SDK1: variants seen among roughly 807,000 people sequenced by gnomAD.
SDK1 encodes sidekick cell adhesion molecule 1.
A neutral mutation model predicts 245.5 loss-of-function variants in SDK1; 157 were observed. The observed-to-expected ratio is 0.64, with a 90% CI of 0.56 to 0.73. SDK1 has a LOEUF of 0.73. Among genes scored for constraint, SDK1 ranks in the 30% least tolerant of loss-of-function variants. SDK1 has a pLI of 0.00. For missense variants in SDK1, 3,583 were observed against 3,002.3 expected, an observed-to-expected ratio of 1.19 and a Z score of -4.52; for synonymous variants, 1,647 against 1,278.5, an observed-to-expected ratio of 1.29 and a Z score of -6.15.
chr7:3,307,822 A>G (rs948571080), intron 1 of SDK1, among the ~76,000 whole-genome samples: 2 of 151,766 alleles, frequency 1.3e-5, no homozygotes, highest in Admixed American at 6.6e-5. Context: ...TTTCTCACCT[A>G]TAAAAGGAGG....
chr7:3,741,337 G>A (rs1488334295), intron 4 of SDK1, among the ~76,000 whole-genome samples: 1 of 152,166 alleles, frequency 6.6e-6, no homozygotes, highest in South Asian at 2.1e-4. Flanking sequence ...CCAGCCCCCT[G>A]TTCTCCCAGC....
chr7:3,776,177 C>T (rs1421010381), intron 4 of SDK1, among the ~76,000 whole-genome samples: 3 of 152,160 alleles, frequency 2.0e-5, no homozygotes, highest in South Asian at 4.1e-4. Flanking sequence ...AGTTAATGAA[C>T]GAATGAGTAG....
intron 1 of SDK1, among the ~76,000 whole-genome samples, chr7:3,343,360 C>T (rs1780405127): frequency 6.6e-6 from 1 of 152,138 alleles, no homozygotes; most frequent in Non-Finnish European, 1.5e-5. Context: ...ATTGATGCAC[C>T]TACTGTGAAT....
At chr7:3,606,105 C>T (rs148733639) in intron 1 of SDK1, among the ~76,000 whole-genome samples, 1 of 152,206 alleles carries the variant, frequency 6.6e-6, no homozygotes, top group African/African-American at 2.4e-5. Context: ...AAGTTCAACA[C>T]TGAGCTCTTG....
intron 43 of SDK1, among the ~76,000 whole-genome samples, chr7:4,243,665 C>T (rs1034090156): frequency 6.6e-6 from 1 of 152,210 alleles, no homozygotes. Context: ...ACGGGAAAGA[C>T]CTGCCCCCAT....
At chr7:3,678,766 A>G (rs73300262) in intron 4 of SDK1, among the ~76,000 whole-genome samples, 5,057 of 152,330 alleles carry the variant, frequency 0.033, 289 homozygotes, top group African/African-American at 0.11. Flanking sequence ...CTTTAAAATC[A>G]TTAAAATGAT....
At chr7:4,240,947 G>C (rs1426920410) in intron 42 of SDK1, among the ~76,000 whole-genome samples, 1 of 152,212 alleles carries the variant, frequency 6.6e-6, no homozygotes, top group Non-Finnish European at 1.5e-5. Flanking sequence ...AGGGTGGACA[G>C]ACCAGGCCAA....
chr7:3,303,943 C>G (rs1229410848), intron 1 of SDK1, among the ~76,000 whole-genome samples: 1 of 152,104 alleles, frequency 6.6e-6, no homozygotes, highest in Non-Finnish European at 1.5e-5. Flanking sequence ...GGAATAGTTA[C>G]CACTACGTTG....
chr7:3,501,446 T>C (rs1782212174), intron 1 of SDK1, among the ~76,000 whole-genome samples: 1 of 152,102 alleles, frequency 6.6e-6, no homozygotes, highest in African/African-American at 2.4e-5. Context: ...GCCTAAGGGA[T>C]TGGCCTGTGC....
intron 28 of SDK1, among the ~76,000 whole-genome samples, chr7:4,139,573 G>GTATA (rs1289009779): frequency 8.3e-5 from 2 of 24,214 alleles, no homozygotes; most frequent in African/African-American, 2.0e-4. Context: ...GTGTGTATAT[G>GTATA]TGTGTGTGTA....
intron 1 of SDK1, among the ~76,000 whole-genome samples, chr7:3,506,017 A>G (rs1562527994): frequency 6.6e-6 from 1 of 152,096 alleles, no homozygotes; most frequent in African/African-American, 2.4e-5. Context: ...TTTCTCTTAA[A>G]TTTAAAAATA....
intron 4 of SDK1, among the ~76,000 whole-genome samples, chr7:3,692,536 T>G (rs1443035283): frequency 6.6e-6 from 1 of 152,198 alleles, no homozygotes; most frequent in Non-Finnish European, 1.5e-5. Context: ...GTAGCATAAA[T>G]TATTTGTTTA....
At chr7:3,663,109 T>G (rs1313612079) in intron 4 of SDK1, among the ~76,000 whole-genome samples, 3 of 152,216 alleles carry the variant, frequency 2.0e-5, no homozygotes, top group Non-Finnish European at 4.4e-5. Context: ...TTATTTTGTT[T>G]CCATATTTGA....
chr7:3,533,846 C>G (rs1778783689), intron 1 of SDK1, among the ~76,000 whole-genome samples: 1 of 150,778 alleles, frequency 6.6e-6, no homozygotes, highest in Admixed American at 6.6e-5. Context: ...AATATATTTC[C>G]TTTTGCTTTC....
chr7:3,475,304 C>A (rs1034835817), intron 1 of SDK1, among the ~76,000 whole-genome samples: 17 of 152,282 alleles, frequency 1.1e-4, no homozygotes, highest in African/African-American at 4.1e-4. Context: ...GCTTCTTGCT[C>A]TCTGGAGCCC....
At chr7:3,900,041 C>CT (rs1292363605) in intron 5 of SDK1, among the ~76,000 whole-genome samples, 1 of 152,216 alleles carries the variant, frequency 6.6e-6, no homozygotes, top group Non-Finnish European at 1.5e-5. Flanking sequence ...GTGTATGACA[C>CT]TAACATTTAA....
intron 22 of SDK1, among the ~76,000 whole-genome samples, chr7:4,090,121 A>C (rs969158418): frequency 6.6e-6 from 1 of 152,296 alleles, no homozygotes; most frequent in Non-Finnish European, 1.5e-5. Context: ...TGGCCTTGGC[A>C]TGTCCCGTTG....
At chr7:3,338,630 AC>A (rs1348461850) in intron 1 of SDK1, 6 of 163,670 alleles carry the variant, frequency 3.7e-5, no homozygotes, top group African/African-American at 7.5e-5. Context: ...AAACAAACAA[AC>A]AAAAAAAAAC....
intron 1 of SDK1, among the ~76,000 whole-genome samples, chr7:3,419,498 A>T (rs1046720776): frequency 2.6e-5 from 4 of 152,104 alleles, no homozygotes; most frequent in African/African-American, 9.7e-5. Flanking sequence ...CCCACCCGGC[A>T]GGTCCGCAGG....
Sources: gnomAD v4.1 joint callset for allele counts (sites outside exome capture counted in the v4.1 genomes callset) on GRCh38, gnomAD v4.1.1 for gene constraint, MANE v1.5 for transcripts, NCBI Gene and HGNC (gene_info 2026-07-23, HGNC 2026-07-21) for gene names.